The following DTNB variants were observed in gnomAD, a reference collection of about 807,000 sequenced individuals.
DTNB encodes the protein dystrobrevin beta, also known as DTN-B.
Under a neutral mutation model 90.7 loss-of-function variants are expected in DTNB, and 63 were observed. The ratio of observed to expected loss-of-function variants is 0.69; its 90% CI spans 0.57 to 0.86. The LOEUF is 0.86. DTNB is among the 40% of genes least tolerant of loss of function. The probability of loss-of-function intolerance (pLI) is 0.00; values close to 1 mark genes in which losing one functional copy is unlikely to be tolerated. For synonymous variants in DTNB, 277 were observed against 286.7 expected, an observed-to-expected ratio of 0.97 and a Z score of 0.34; for missense variants, 744 against 807.1, an observed-to-expected ratio of 0.92 and a Z score of 0.95.
chr2:25,433,522 A>AC (rs2054645001), intron 13 of DTNB, among the ~76,000 whole-genome samples: 1 of 143,610 alleles, frequency 7.0e-6, no homozygotes. Flanking sequence ...AATGGCATTA[A>AC]TTTTTTTTTT....
intron 19 of DTNB, among the ~76,000 whole-genome samples, chr2:25,381,447 A>G (rs1445031917): frequency 6.6e-6 from 1 of 152,100 alleles, no homozygotes; most frequent in East Asian, 1.9e-4. Context: ...TGGCGTGACT[A>G]TAGCTCACTG....
chr2:25,538,966 T>C (rs1009856904), intron 8 of DTNB, among the ~76,000 whole-genome samples: 3 of 152,240 alleles, frequency 2.0e-5, no homozygotes, highest in African/African-American at 7.2e-5. Context: ...TTATGCATAA[T>C]ACATTGTTTA....
intron 2 of DTNB, among the ~76,000 whole-genome samples, chr2:25,649,091 G>A (rs1227349209): frequency 1.5e-5 from 2 of 131,346 alleles, no homozygotes; most frequent in Non-Finnish European, 3.1e-5. Context: ...TGCAAGCTCC[G>A]CCTCCCAGGT....
chr2:25,448,875 AG>A (rs2058829606), intron 12 of DTNB, among the ~76,000 whole-genome samples: 1 of 146,570 alleles, frequency 6.8e-6, no homozygotes, highest in Non-Finnish European at 1.5e-5. Context: ...AAAAAAAAAA[AG>A]TATTTCATTT....
chr2:25,662,683 C>CACACACACAA (rs2083481907), intron 1 of DTNB, among the ~76,000 whole-genome samples: 6 of 101,616 alleles, frequency 5.9e-5, no homozygotes, highest in Admixed American at 9.0e-5. Flanking sequence ...CACACACAAA[C>CACACACACAA]ACACACACAC....
chr2:25,578,405 C>T (rs935749272), intron 7 of DTNB, among the ~76,000 whole-genome samples: 9 of 152,186 alleles, frequency 5.9e-5, no homozygotes, highest in Non-Finnish European at 1.3e-4. Flanking sequence ...CCCTCAATCT[C>T]AGCAAATGTC....
intron 9 of DTNB, among the ~76,000 whole-genome samples, chr2:25,516,015 A>C (rs2075050131): frequency 6.6e-6 from 1 of 152,240 alleles, no homozygotes; most frequent in Non-Finnish European, 1.5e-5. Context: ...CAAAATATCT[A>C]AATAGACAAT....
At chr2:25,429,754 G>T (rs769865857) in intron 14 of DTNB, among the ~76,000 whole-genome samples, 1 of 152,142 alleles carries the variant, frequency 6.6e-6, no homozygotes, top group Admixed American at 6.5e-5. Flanking sequence ...ATCATGATTT[G>T]AAACTCTCCA....
chr2:25,481,141 G>A (rs758561202), intron 10 of DTNB, among the ~76,000 whole-genome samples: 34 of 151,960 alleles, frequency 2.2e-4, no homozygotes, highest in Non-Finnish European at 4.0e-4. Context: ...GCTCGTGCCC[G>A]TAATCCAGCA....
chr2:25,420,277 T>G (rs2049111973), intron 15 of DTNB, among the ~76,000 whole-genome samples: 1 of 148,396 alleles, frequency 6.7e-6, no homozygotes, highest in Admixed American at 6.7e-5. Flanking sequence ...TTTTTTTTTT[T>G]TTTTTTTTTT....
chr2:25,414,116 T>C (rs2047285356), intron 16 of DTNB, among the ~76,000 whole-genome samples: 2 of 152,250 alleles, frequency 1.3e-5, no homozygotes, highest in South Asian at 4.1e-4. Flanking sequence ...TGCCCACTTT[T>C]TGATGGGGTT....
rs144884078 is a variant in DTNB at position 25,450,018 on chromosome 2, A to C, written c.1257+1530T>G. 3.4e-3 allele frequency among the ~76,000 whole-genome samples: 516 copies of C among 152,190 alleles called. 2 individuals carry two copies. The highest frequency in any genetic ancestry group is 6.2e-3 in the Non-Finnish European group (420 of 67,974). ...ACCTTGTGACCCGCCTGCCTTGAATAGTATCTTCTAATGAGCAAAAGATTT... is the reference window on the plus strand; with the variant it reads ...ACCTTGTGACCCGCCTGCCTTGAATCGTATCTTCTAATGAGCAAAAGATTT... On this transcript the variant is annotated intron_variant, in intron 12 of 20. Transcript: ENST00000406818.
chr2:25,617,351 G>A (rs1453466084), intron 4 of DTNB, among the ~76,000 whole-genome samples: 6 of 152,138 alleles, frequency 3.9e-5, no homozygotes, highest in African/African-American at 1.4e-4. Context: ...GAGATTTGGC[G>A]AAAATACTTA....
chr2:25,428,223 T>A (rs1399541171), intron 14 of DTNB, among the ~76,000 whole-genome samples: 1 of 152,184 alleles, frequency 6.6e-6, no homozygotes, highest in East Asian at 1.9e-4. Flanking sequence ...TCCCTGTCTC[T>A]GCTATTTTTC....
At chr2:25,389,910 A>T (rs1197928223) in intron 16 of DTNB, among the ~76,000 whole-genome samples, 3 of 152,118 alleles carry the variant, frequency 2.0e-5, no homozygotes, top group Non-Finnish European at 4.4e-5. Context: ...GTTAAAAAAA[A>T]TACAGAAAAC....
intron 4 of DTNB, among the ~76,000 whole-genome samples, chr2:25,621,397 G>C (rs1057063947): frequency 6.6e-6 from 1 of 151,418 alleles, no homozygotes; most frequent in African/African-American, 2.4e-5. Context: ...AGTATTAAGG[G>C]GGAACAATAT....
At chr2:25,468,619 G>A (rs758527007) in intron 10 of DTNB, among the ~76,000 whole-genome samples, 1 of 152,148 alleles carries the variant, frequency 6.6e-6, no homozygotes, top group Non-Finnish European at 1.5e-5. Context: ...TAAGCCAGGA[G>A]TAACAAGTTA....
intron 2 of DTNB, among the ~76,000 whole-genome samples, chr2:25,649,574 C>A (rs1409815958): frequency 1.3e-5 from 2 of 152,028 alleles, no homozygotes; most frequent in Non-Finnish European, 2.9e-5. Flanking sequence ...AGAAAATTAG[C>A]CAGGCCTGCT....
chr2:25,635,421 A>G (rs1341806038), intron 3 of DTNB, among the ~76,000 whole-genome samples: 2 of 152,178 alleles, frequency 1.3e-5, no homozygotes, highest in Non-Finnish European at 2.9e-5. Flanking sequence ...AGCGACTCTG[A>G]TTCAAAACAT....
Sources: allele counts gnomAD v4.1 joint callset (sites outside exome capture counted in the v4.1 genomes callset), GRCh38; gene constraint gnomAD v4.1.1; transcripts MANE v1.5; gene names NCBI Gene and HGNC (gene_info 2026-07-23, HGNC 2026-07-21).